Variants in SLC39A12 observed in about 807,000 individuals in gnomAD.
The protein encoded by SLC39A12 is solute carrier family 39 member 12, also known as zinc transporter ZIP12.
In SLC39A12, 63 loss-of-function variants were observed where a neutral mutation model predicts 71.1. The ratio of observed to expected loss-of-function variants is 0.89; its 90% CI spans 0.72 to 1.09. The LOEUF (loss-of-function observed/expected upper bound fraction) is 1.09. SLC39A12 is among the 50% of genes least tolerant of loss of function. The pLI, the probability that SLC39A12 is intolerant of heterozygous loss-of-function variation, is 0.00. For synonymous variants in SLC39A12, 351 were observed against 301.3 expected, an observed-to-expected ratio of 1.16 and a Z score of -1.71; for missense variants, 892 against 812.6, an observed-to-expected ratio of 1.10 and a Z score of -1.19.
In SLC39A12 at chr10:17,965,570, A is replaced by G. The variant is rs765361095; in HGVS notation, c.631A>G (p.Met211Val). 6.2e-7 allele frequency: 1 copy of G among 1,614,216 alleles called. No individual in the cohort carries two copies. Among genetic ancestry groups the G allele is most frequent in the Non-Finnish European group, 8.5e-7 (1 of 1,180,024 alleles). Residue 211 changes from methionine (M) to valine (V), a missense_variant, in exon 4 of 13, where the codon ATG (methionine) becomes GTG (valine). Physicochemically the swap from Met to Val is conservative, Grantham distance 21. Coordinates refer to ENST00000377369, the MANE Select transcript of SLC39A12 (RefSeq NM_001145195.2). The stretch of plus-strand genomic sequence containing the variant: ...AAGTACGCTTCCTCAGTTGGCAGCC[A>G]TGATCATTACTTTGTCCCTCCAGGG... Reference protein sequence around the residue: ...NESTLPQLAAMIITLSLQGVC... With the variant: ...NESTLPQLAAVIITLSLQGVC...
intron 12 of SLC39A12, among the ~76,000 whole-genome samples, chr10:18,030,680 G>C: frequency 6.6e-6 from 1 of 150,406 alleles, no homozygotes; most frequent in Non-Finnish European, 1.5e-5. Context: ...TAGGGTACAT[G>C]TGCACATTGT....
chr10:18,037,918 A>G (rs1165054153), intron 12 of SLC39A12, among the ~76,000 whole-genome samples: 1 of 147,460 alleles, frequency 6.8e-6, no homozygotes, highest in African/African-American at 2.5e-5. Flanking sequence ...TACGTGGGCG[A>G]CTGAGGCAGG....
rs988074211 is a variant in SLC39A12 at position 17,993,075 on chromosome 10, A to G, written c.1423-106A>G. On this transcript the variant is annotated intron_variant, in intron 8 of 12. Coordinates refer to ENST00000377369, the MANE Select transcript of SLC39A12 (RefSeq NM_001145195.2). ...AAGCATCCCAGTTCTCTTTTGTGGC[A>G]ACTACCATTTTGGCCAATAGGCAAT... 4 of 664,308 alleles carry G rather than the reference A, an allele frequency of 6.0e-6. No homozygotes were observed. In the African/African-American group the frequency reaches 7.4e-5, roughly 12 times the overall value. The allele number at this position is 664,308 out of a possible 1,614,324, so 41.2% of individuals were successfully genotyped here. A position where few individuals can be genotyped will look rare whatever the true frequency, so the allele number is the denominator to read the frequency against.
intron 12 of SLC39A12, among the ~76,000 whole-genome samples, chr10:18,008,196 C>T (rs977635396): frequency 2.0e-5 from 3 of 152,150 alleles, no homozygotes; most frequent in Non-Finnish European, 2.9e-5. Flanking sequence ...GCAAGCGAAG[C>T]TTCATCTGTA....
At chr10:17,971,278 T>G (rs1208882406) in intron 4 of SLC39A12, among the ~76,000 whole-genome samples, 1 of 18,934 alleles carries the variant, frequency 5.3e-5, no homozygotes, top group East Asian at 3.3e-3. Flanking sequence ...TCCCCTCCCC[T>G]CCCCTCCCCT....
At chr10:18,035,342 C>T (rs1318596411) in intron 12 of SLC39A12, among the ~76,000 whole-genome samples, 1 of 136,112 alleles carries the variant, frequency 7.3e-6, no homozygotes, top group African/African-American at 3.0e-5. Context: ...AGGCTTTGCT[C>T]ATTTCTTTTT....
rs1392025962 is a variant in SLC39A12, at chr10:18,042,982, G to A, written c.*149G>A. ...TTCATTAACTTATTAATTTTATAATGCAGTTTTATTTTTGGAAACATATAA... is the reference window on the plus strand; with the variant it reads ...TTCATTAACTTATTAATTTTATAATACAGTTTTATTTTTGGAAACATATAA... On this transcript the variant is annotated 3_prime_UTR_variant, in exon 13 of 13. Transcript: ENST00000377369. 1 of 579,554 alleles carries A rather than the reference G, an allele frequency of 1.7e-6. No homozygotes were observed. Among genetic ancestry groups the A allele is most frequent in the Admixed American group, 4.3e-5 (1 of 23,502 alleles). The allele number at this position is 579,554 out of a possible 1,614,324, so 35.9% of individuals were successfully genotyped here. A position where few individuals can be genotyped will look rare whatever the true frequency, so the allele number is the denominator to read the frequency against.
intron 6 of SLC39A12, among the ~76,000 whole-genome samples, chr10:17,981,772 C>T (rs1835266098): frequency 6.6e-6 from 1 of 152,156 alleles, no homozygotes; most frequent in African/African-American, 2.4e-5. Context: ...TTGTTTCTAA[C>T]CACGATACAT....
chr10:18,034,355 T>C (rs530730966), intron 12 of SLC39A12, among the ~76,000 whole-genome samples: 4 of 152,240 alleles, frequency 2.6e-5, no homozygotes, highest in Admixed American at 2.0e-4. Flanking sequence ...TGCATATATA[T>C]TTAGGATAGT....
chr10:17,965,219 A>G (rs1834793744), intron 3 of SLC39A12, among the ~76,000 whole-genome samples: 1 of 152,094 alleles, frequency 6.6e-6, no homozygotes, highest in Admixed American at 6.5e-5. Context: ...AAAAAAGAAA[A>G]AAAAAAGGAT....
chr10:18,036,804 T>TTTA (rs1837061295), intron 12 of SLC39A12, among the ~76,000 whole-genome samples: 1 of 128,566 alleles, frequency 7.8e-6, no homozygotes, highest in African/African-American at 3.0e-5. Context: ...ATTTTTTTTT[T>TTTA]TAATGGAATC....
chr10:18,036,716 A>T (rs953637197), intron 12 of SLC39A12, among the ~76,000 whole-genome samples: 4 of 141,580 alleles, frequency 2.8e-5, no homozygotes, highest in African/African-American at 1.1e-4. Flanking sequence ...TAACTATATC[A>T]TTGGCATCTT....
intron 12 of SLC39A12, among the ~76,000 whole-genome samples, chr10:18,042,199 A>G (rs1337453306): frequency 2.0e-5 from 3 of 152,168 alleles, no homozygotes; most frequent in Non-Finnish European, 4.4e-5. Context: ...ACCAAAGGCC[A>G]GGTGCAGTGG....
At position 18,030,734 on chromosome 10, in the gene SLC39A12, G is replaced by A. The variant is rs1176626398; in HGVS notation, c.1948-11971G>A. Among the ~76,000 whole-genome samples, 3 of 149,594 alleles carry A rather than the reference G, an allele frequency of 2.0e-5. No homozygotes were observed. The East Asian group carries it at 5.9e-4, about 29-fold the overall frequency. ...TATACATGTGCCATGCTGGTGTGCTGCACCCACTAACTCGTCATCTAGCAT... is the reference window on the plus strand; with the variant it reads ...TATACATGTGCCATGCTGGTGTGCTACACCCACTAACTCGTCATCTAGCAT... On this transcript the variant is annotated intron_variant, in intron 12 of 12. Transcript: ENST00000377369.
At chr10:17,983,170 A>G (rs1449542044) in intron 6 of SLC39A12, among the ~76,000 whole-genome samples, 1 of 26,018 alleles carries the variant, frequency 3.8e-5, no homozygotes, top group Non-Finnish European at 8.8e-5. Flanking sequence ...CTCCATCTCA[A>G]AAAAAAAAAA....
intron 6 of SLC39A12, among the ~76,000 whole-genome samples, chr10:17,985,408 G>A (rs1241703413): frequency 6.6e-6 from 1 of 151,170 alleles, no homozygotes; most frequent in Non-Finnish European, 1.5e-5. Context: ...CAAGTATGAT[G>A]AGAATGAAAT....
chr10:18,013,052 T>A (rs1479766016), intron 12 of SLC39A12, among the ~76,000 whole-genome samples: 2 of 151,934 alleles, frequency 1.3e-5, no homozygotes, highest in Non-Finnish European at 2.9e-5. Flanking sequence ...GCAAGTGACA[T>A]CTCTTATTAT....
chr10:17,973,064 T>C (rs1835015449), intron 4 of SLC39A12, among the ~76,000 whole-genome samples: 1 of 152,132 alleles, frequency 6.6e-6, no homozygotes, highest in Non-Finnish European at 1.5e-5. Flanking sequence ...TATTTTAAAC[T>C]GACAGAAACT....
At chr10:17,991,087 G>A in intron 7 of SLC39A12, 64 bp from the exon 8 acceptor site, 1 of 1,446,004 alleles carries the variant, frequency 6.9e-7, no homozygotes, top group Non-Finnish European at 9.2e-7. Flanking sequence ...CTATTTAATA[G>A]TTAAGTCATC....
Sources: allele counts gnomAD v4.1 joint callset (sites outside exome capture counted in the v4.1 genomes callset), GRCh38; gene constraint gnomAD v4.1.1; transcripts MANE v1.5; gene names NCBI Gene and HGNC (gene_info 2026-07-23, HGNC 2026-07-21).